The following NEK11 variants were observed in gnomAD, a reference collection of about 807,000 sequenced individuals.
NEK11 encodes the protein NIMA related kinase 11, also known as serine/threonine-protein kinase Nek11.
Under a neutral mutation model 80.7 loss-of-function variants are expected in NEK11, and 72 were observed. The observed-to-expected ratio is 0.89, with a 90% CI of 0.74 to 1.08. NEK11 has a LOEUF of 1.08. Among genes scored for constraint, NEK11 ranks in the 50% least tolerant of loss-of-function variants. The pLI is 0.00. For synonymous variants in NEK11, 251 were observed against 260.7 expected (o/e 0.96, Z 0.36); for missense variants, 764 against 763.6 (o/e 1.00, Z -0.01).
At chr3:131,070,319 T>C (rs1404886923) in intron 3 of NEK11, among the ~76,000 whole-genome samples, 1 of 152,194 alleles carries the variant, frequency 6.6e-6, no homozygotes. Flanking sequence ...TGAATTTTGC[T>C]CAGTTGAACT....
chr3:131,247,007 T>G (rs1167336785), intron 16 of NEK11, among the ~76,000 whole-genome samples: 1 of 152,148 alleles, frequency 6.6e-6, no homozygotes, highest in Non-Finnish European at 1.5e-5. Flanking sequence ...CTTTGTAGAT[T>G]CTGAATATTA....
Position 131,260,682 on chromosome 3 carries a change from A to G in NEK11, c.1622-12796A>G, listed in dbSNP as rs545755535. ...CCTTGATCTAGGCAAATCTTCTGTC[A>G]TGTCGCATTCCAAGGAGTAGGAGGA... On this transcript the variant is annotated intron_variant, in intron 16 of 17. Coordinates refer to ENST00000383366, the MANE Select transcript of NEK11 (RefSeq NM_024800.5). Among the ~76,000 whole-genome samples, 4 of 152,284 alleles carry G rather than the reference A, an allele frequency of 2.6e-5. No homozygotes were observed. In the South Asian group the frequency reaches 6.2e-4, roughly 24 times the overall value.
intron 3 of NEK11, among the ~76,000 whole-genome samples, chr3:131,061,421 A>C (rs2070845731): frequency 6.6e-6 from 1 of 151,894 alleles, no homozygotes; most frequent in Non-Finnish European, 1.5e-5. Context: ...TGGGGATGTT[A>C]TGCTATTTCT....
In NEK11 at chr3:131,162,484, C is replaced by T. The variant is rs376738379; in HGVS notation, c.1039C>T (p.Leu347=). Residue 347 remains leucine, a synonymous_variant, in exon 11 of 18, where the codon CTG becomes TTG. Transcript: ENST00000383366. ...QKMTPRERMR[L]RKLQAADEKA... Reference sequence around the variant, plus strand: ...AATGACGCCAAGAGAAAGGATGCGGCTGAGGAAGCTCCAGGCGGCTGATGA... The same window carrying T: ...AATGACGCCAAGAGAAAGGATGCGGTTGAGGAAGCTCCAGGCGGCTGATGA... 1.5e-5 allele frequency: 24 copies of T among 1,613,978 alleles called. No homozygotes were observed. The African/African-American group carries it at 2.9e-4, about 20-fold the overall frequency.
At chr3:131,211,266 A>T (rs1464491253) in intron 14 of NEK11, among the ~76,000 whole-genome samples, 1 of 151,892 alleles carries the variant, frequency 6.6e-6, no homozygotes, top group Non-Finnish European at 1.5e-5. Flanking sequence ...TTCTAGGTTG[A>T]ACATTCTTTA....
intron 11 of NEK11, 115 bp downstream of exon 11, chr3:131,162,642 AT>A: frequency 1.7e-6 from 2 of 1,179,436 alleles, no homozygotes; most frequent in Non-Finnish European, 2.4e-6. Context: ...ACGATTATGT[AT>A]TTATGTGTTT....
chr3:131,253,162 G>A (rs2162687), intron 16 of NEK11, among the ~76,000 whole-genome samples: 16,586 of 152,124 alleles, frequency 0.11, 1,484 homozygotes, highest in African/African-American at 0.24. Flanking sequence ...TTAGAATATG[G>A]TCCTTGTCAT....
intron 16 of NEK11, among the ~76,000 whole-genome samples, chr3:131,259,708 T>C (rs2095877955): frequency 6.6e-6 from 1 of 152,162 alleles, no homozygotes. Context: ...TTAGGTTCTC[T>C]ACCTCTACCA....
intron 17 of NEK11, among the ~76,000 whole-genome samples, chr3:131,324,726 C>T (rs2096939269): frequency 1.3e-5 from 2 of 152,250 alleles, no homozygotes; most frequent in South Asian, 4.2e-4. Context: ...ATGGTTTGTA[C>T]ACATGTCCAT....
intron 3 of NEK11, among the ~76,000 whole-genome samples, chr3:131,059,394 CAT>C (rs1473887254): frequency 6.6e-6 from 1 of 152,088 alleles, no homozygotes; most frequent in African/African-American, 2.4e-5. Flanking sequence ...GTGTTTTACA[CAT>C]ATTTTTGATG....
chr3:131,283,883 T>G (rs1254685341), intron 17 of NEK11, among the ~76,000 whole-genome samples: 1 of 152,136 alleles, frequency 6.6e-6, no homozygotes, highest in Non-Finnish European at 1.5e-5. Flanking sequence ...GGTTCTAAAT[T>G]TATATGTCGG....
chr3:131,064,428 C>A (rs2071491135), intron 3 of NEK11, among the ~76,000 whole-genome samples: 1 of 152,102 alleles, frequency 6.6e-6, no homozygotes, highest in Non-Finnish European at 1.5e-5. Context: ...AAGCGTGTCC[C>A]TGGTCTCTCC....
intron 14 of NEK11, among the ~76,000 whole-genome samples, chr3:131,199,146 A>C (rs2094138215): frequency 6.6e-6 from 1 of 152,206 alleles, no homozygotes; most frequent in African/African-American, 2.4e-5. Context: ...AGACATAATA[A>C]AGATAAAAGA....
At chr3:131,041,821 G>A (rs796140424) in intron 3 of NEK11, among the ~76,000 whole-genome samples, 12 of 152,276 alleles carry the variant, frequency 7.9e-5, no homozygotes, top group African/African-American at 2.2e-4. Context: ...CAAGATGGCC[G>A]AATAAGAACA....
chr3:131,152,531 T>G lies in NEK11; in HGVS notation c.791T>G (p.Met264Arg). The change falls in exon 8 of 18, where the codon ATG (methionine) becomes AGG (arginine). Residue 264 changes from methionine to arginine, a missense_variant. Coordinates refer to ENST00000383366, the MANE Select transcript of NEK11 (RefSeq NM_024800.5). ...ERYPKELNAI[M>R]ESMLNKNPSL... is the part of the protein sequence containing the mutation. The stretch of plus-strand genomic sequence containing the variant: ...TATCCAAAAGAACTAAATGCCATCA[T>G]GGAAAGGTATAGAAATAAACATGTT... 6.2e-7 allele frequency: 1 copy of G among 1,613,146 alleles called. No homozygotes were observed.
At chr3:131,278,434 T>C (rs1383017268) in intron 17 of NEK11, among the ~76,000 whole-genome samples, 1 of 152,194 alleles carries the variant, frequency 6.6e-6, no homozygotes, top group Non-Finnish European at 1.5e-5. Flanking sequence ...GATGAATTGA[T>C]GGATAGGTAG....
chr3:131,336,009 G>C (rs1285250236), intron 17 of NEK11, among the ~76,000 whole-genome samples: 1 of 152,184 alleles, frequency 6.6e-6, no homozygotes, highest in African/African-American at 2.4e-5. Context: ...CTCATGGGTA[G>C]GAAGAATCAA....
In NEK11 at chr3:131,133,881, C is replaced by T. The variant is rs145728410; in HGVS notation, c.572C>T (p.Thr191Ile). 9.8e-5 allele frequency: 158 copies of T among 1,612,444 alleles called. No homozygotes were observed. The highest frequency in any genetic ancestry group is 2.2e-4 in the South Asian group (20 of 90,844). ...LLMGSCDLATTLTGTPHYMSP... is the reference protein window; with the variant it reads ...LLMGSCDLATILTGTPHYMSP... ...ATGGGATCCTGTGACCTGGCCACAA[C>T]TTTAACTGGAACTCCCCATTATATG... Residue 191 changes from threonine to isoleucine, a missense_variant, in exon 7 of 18, where the codon ACT (threonine) becomes ATT (isoleucine). Physicochemically the swap from Thr to Ile is moderately conservative, Grantham distance 89. Coordinates refer to ENST00000383366, the MANE Select transcript of NEK11 (RefSeq NM_024800.5).
chr3:131,104,231 G>T (rs1211264821), intron 4 of NEK11, among the ~76,000 whole-genome samples: 12 of 152,102 alleles, frequency 7.9e-5, no homozygotes, highest in Non-Finnish European at 1.5e-5. Flanking sequence ...GTGACAGAGG[G>T]CCTGTCAGTT....
Sources: gnomAD v4.1 joint callset for allele counts (sites outside exome capture counted in the v4.1 genomes callset) on GRCh38, gnomAD v4.1.1 for gene constraint, MANE v1.5 for transcripts, NCBI Gene and HGNC (gene_info 2026-07-23, HGNC 2026-07-21) for gene names.